Variants in ZNF462 observed in about 807,000 individuals in gnomAD.
ZNF462 encodes the protein zinc finger PBX1-interacting protein.
ZNF462 carries 10 observed loss-of-function variants against 201.9 expected under a neutral mutation model. The ratio of observed to expected loss-of-function variants is 0.05; its 90% confidence interval spans 0.03 to 0.08. The LOEUF (loss-of-function observed/expected upper bound fraction) is 0.08. Among genes scored for constraint, ZNF462 ranks in the 10% least tolerant of loss-of-function variants. The pLI, the probability that ZNF462 is intolerant of heterozygous loss-of-function variation, is 1.00. For synonymous variants in ZNF462, 1,227 were observed against 1,193.3 expected, an observed-to-expected ratio of 1.03 and a Z score of -0.58; for missense variants, 2,523 against 3,168.3, an observed-to-expected ratio of 0.80 and a Z score of 4.89.
Position 106,974,788 on chromosome 9 carries a change from T to TG in ZNF462, c.6832+515_6832+516insG. On this transcript the variant is annotated intron_variant, in intron 9 of 12. Coordinates refer to ENST00000277225, the MANE Select transcript of ZNF462 (RefSeq NM_021224.6). The surrounding 1 kb of genome is among the most constrained non-coding windows in gnomAD (Gnocchi z 4.0). Reference sequence around the variant, plus strand: ...TTCTAATAATAGTCTCTATTATATATTCTAATAATAATTAGAAAATCCATG... The same window carrying TG: ...TTCTAATAATAGTCTCTATTATATATGTCTAATAATAATTAGAAAATCCATG... The TG allele has an allele frequency of 6.4e-6, 1 of 156,596 alleles. No homozygotes were observed. Among genetic ancestry groups the TG allele is most frequent in the Admixed American group, 6.1e-5 (1 of 16,526 alleles). The allele number at this position is 156,596 out of a possible 1,614,324, so 9.7% of individuals were successfully genotyped here. A position where few individuals can be genotyped will look rare whatever the true frequency, so the allele number is the denominator to read the frequency against.
chr9:106,908,924 TATATATATATATATATA>T (rs1191467108), intron 1 of ZNF462, among the ~76,000 whole-genome samples: 9 of 31,740 alleles, frequency 2.8e-4, no homozygotes, highest in South Asian at 1.1e-3. Flanking sequence ...TATATATATA[TATATATATATATATATA>T]TTTTTTTTTT....
chr9:106,925,454 T>C lies in ZNF462; in HGVS notation c.1542T>C (p.Asn514=), dbSNP rs761400668. ...SQSESISSSL[N]EGVVSYESSS... ...GTGAAAGCATTTCTTCCTCACTGAA[T>C]GAAGGTGTGGTGTCTTATGAGAGCT... is the stretch of plus-strand genomic sequence containing the variant. The change falls in exon 3 of 13, where the codon AAT becomes AAC. Residue 514 remains asparagine, a synonymous_variant. Coordinates refer to ENST00000277225, the MANE Select transcript of ZNF462 (RefSeq NM_021224.6). This position sits in a 1 kb window ranked among gnomAD's most constrained non-coding sequence, Gnocchi z 7.9. 3 of 1,614,174 alleles carry C rather than the reference T, an allele frequency of 1.9e-6. No homozygotes were observed. The highest frequency in any genetic ancestry group is 2.5e-6 in the Non-Finnish European group (3 of 1,180,022).
chr9:107,007,234 A>G (rs1305062990), intron 11 of ZNF462, among the ~76,000 whole-genome samples: 3 of 152,156 alleles, frequency 2.0e-5, no homozygotes, highest in Non-Finnish European at 4.4e-5. Flanking sequence ...CTGCTCCCCT[A>G]TGACTCCTTA....
chr9:106,902,970 G>A lies in ZNF462; in HGVS notation c.-30-20384G>A, dbSNP rs187545349. ...TTGGTTATTTCCTCCCTTCTGCTGG[G>A]TTTGGGTTTGGTTTATTCTTATTTA... is the stretch of plus-strand genomic sequence containing the variant. On this transcript the variant is annotated intron_variant, in intron 1 of 12. Transcript: ENST00000277225. This position sits in a 1 kb window ranked among gnomAD's most constrained non-coding sequence, Gnocchi z 4.2. Among the ~76,000 whole-genome samples the A allele has an allele frequency of 9.7e-4, 147 of 151,928 alleles. No homozygotes were observed. Among genetic ancestry groups the A allele is most frequent in the Middle Eastern group, 6.8e-3 (2 of 294 alleles).
Position 106,929,569 on chromosome 9 carries a change from G to A in ZNF462, c.5657G>A (p.Arg1886His), listed in dbSNP as rs373911531. The change falls in exon 3 of 13, where the codon CGC becomes CAC. Residue 1886 changes from arginine (R) to histidine (H), a missense_variant. Arg to His is a conservative substitution (Grantham distance 29). Around this residue, in one of 15 missense-constraint regions of ZNF462, gnomAD observed 207 missense variants for 231.6 expected, o/e 0.89. Transcript: ENST00000277225. This position sits in a 1 kb window ranked among gnomAD's most constrained non-coding sequence, Gnocchi z 8.7. ...RDFIILGNGPRLQNSTYQCKH... is the reference protein window; with the variant it reads ...RDFIILGNGPHLQNSTYQCKH... ...TTCATCATTCTGGGCAACGGCCCCC[G>A]CTTGCAGAACTCCACCTACCAGTGT... The A allele has an allele frequency of 7.4e-6, 12 of 1,614,164 alleles. No individual in the cohort carries two copies. In the East Asian group the frequency reaches 1.3e-4, roughly 18 times the overall value.
At chr9:106,912,007 A>G (rs16925924) in intron 1 of ZNF462, among the ~76,000 whole-genome samples, 21,376 of 152,172 alleles carry the variant, frequency 0.14, 1,666 homozygotes, top group African/African-American at 0.21. Context: ...CATTAGTCTG[A>G]GTCATTCACT....
In ZNF462 at chr9:106,966,300, CA is replaced by C. The variant is rs1195468535; in HGVS notation, c.6428-5704del. The stretch of plus-strand genomic sequence containing the variant: ...TTTCTTTACCCTAGGGAAATTAAGT[CA>C]TTTTTTTTCATTGTGATAATAATGT... On this transcript the variant is annotated intron_variant, in intron 7 of 12. Coordinates refer to ENST00000277225, the MANE Select transcript of ZNF462 (RefSeq NM_021224.6). This position sits in a 1 kb window ranked among gnomAD's most constrained non-coding sequence, Gnocchi z 4.4. Among the ~76,000 whole-genome samples, 1 of 151,944 alleles carries C rather than the reference CA, an allele frequency of 6.6e-6. No individual in the cohort carries two copies. The highest frequency in any genetic ancestry group is 1.5e-5 in the Non-Finnish European group (1 of 67,958).
At position 106,917,969 on chromosome 9, in the gene ZNF462, C is replaced by T. The variant is rs546168592; in HGVS notation, c.-30-5385C>T. Among the ~76,000 whole-genome samples, 4 of 151,776 alleles carry T rather than the reference C, an allele frequency of 2.6e-5. No homozygotes were observed. Among genetic ancestry groups the T allele is most frequent in the African/African-American group, 4.8e-5 (2 of 41,380 alleles). On this transcript the variant is annotated intron_variant, in intron 1 of 12. Coordinates refer to ENST00000277225, the MANE Select transcript of ZNF462 (RefSeq NM_021224.6). The surrounding 1 kb of genome is among the most constrained non-coding windows in gnomAD (Gnocchi z 4.5). ...TCGGCTCACTGCAACCTTCTTCTCC[C>T]GGGTTCAAGCAATTCTCTGCCTCAG...
chr9:106,923,326 A>C lies in ZNF462; in HGVS notation c.-30-28A>C. 6.4e-7 allele frequency: 1 copy of C among 1,553,210 alleles called. No individual in the cohort carries two copies. Among genetic ancestry groups the C allele is most frequent in the Non-Finnish European group, 8.9e-7 (1 of 1,126,184 alleles). ...AGGTATGTGATTAGTGCATTCCTTA[A>C]GATGTTTTGTTCTGACTTCTGCCAC... On this transcript the variant is annotated intron_variant, in intron 1 of 12. Coordinates refer to ENST00000277225, the MANE Select transcript of ZNF462 (RefSeq NM_021224.6). The surrounding 1 kb of genome is among the most constrained non-coding windows in gnomAD (Gnocchi z 5.6).
intron 7 of ZNF462, among the ~76,000 whole-genome samples, chr9:106,965,531 G>A (rs552252020): frequency 5.9e-5 from 9 of 151,984 alleles, no homozygotes; most frequent in African/African-American, 9.7e-5. Context: ...TCTCTGATGC[G>A]TTATACCTGT....
At chr9:106,864,227 G>A (rs970410105) in intron 1 of ZNF462, among the ~76,000 whole-genome samples, 1 of 151,910 alleles carries the variant, frequency 6.6e-6, no homozygotes, top group Non-Finnish European at 1.5e-5. Flanking sequence ...CCGGCCGGGT[G>A]GGGGGCGCAG....
At chr9:106,944,456 A>C (rs2131682595) in intron 7 of ZNF462, among the ~76,000 whole-genome samples, 1 of 152,288 alleles carries the variant, frequency 6.6e-6, no homozygotes, top group South Asian at 2.1e-4. Flanking sequence ...ACACATAATA[A>C]TTACACATTT....
At chr9:106,892,706 A>ACGCG (rs1828639409) in intron 1 of ZNF462, among the ~76,000 whole-genome samples, 2 of 124,216 alleles carry the variant, frequency 1.6e-5, no homozygotes, top group Non-Finnish European at 3.4e-5. Flanking sequence ...ACACACACGC[A>ACGCG]CACACACACA....
At chr9:106,995,642 A>G (rs146802408) in intron 10 of ZNF462, 1 of 152,292 alleles carries the variant, frequency 6.6e-6, no homozygotes, top group East Asian at 1.9e-4. Context: ...AAGGCAACAC[A>G]TTTACTGCAC....
chr9:106,983,366 C>T (rs1827590216), intron 9 of ZNF462, among the ~76,000 whole-genome samples: 1 of 152,168 alleles, frequency 6.6e-6, no homozygotes, highest in African/African-American at 2.4e-5. Context: ...TGCGCAACCC[C>T]ACCTCCCCCG....
Position 106,924,110 on chromosome 9 carries a change from C to T in ZNF462, c.221-23C>T, listed in dbSNP as rs756886085. On this transcript the variant is annotated intron_variant, in intron 2 of 12. Coordinates refer to ENST00000277225, the MANE Select transcript of ZNF462 (RefSeq NM_021224.6). The surrounding 1 kb of genome is among the most constrained non-coding windows in gnomAD (Gnocchi z 6.2). ...ATTTTAATTATCTTTTGCTTTGTCA[C>T]TTTCCTTATGCTTTTTCTTTAGGTC... 16 of 1,556,278 alleles carry T rather than the reference C, an allele frequency of 1.0e-5. No homozygotes were observed. The highest frequency in any genetic ancestry group is 1.2e-5 in the Non-Finnish European group (14 of 1,151,346).
At chr9:106,945,467 C>G (rs1831064730) in intron 7 of ZNF462, among the ~76,000 whole-genome samples, 1 of 152,062 alleles carries the variant, frequency 6.6e-6, no homozygotes, top group Non-Finnish European at 1.5e-5. Flanking sequence ...CACACAGGTT[C>G]CAATTGCAAT....
intron 1 of ZNF462, among the ~76,000 whole-genome samples, chr9:106,894,665 G>A (rs1347930650): frequency 2.0e-5 from 3 of 152,170 alleles, no homozygotes; most frequent in Non-Finnish European, 4.4e-5. Flanking sequence ...GTGCTGTCCA[G>A]TGTGGTAGCC....
intron 1 of ZNF462, among the ~76,000 whole-genome samples, chr9:106,918,993 G>GT (rs1482231891): frequency 6.6e-6 from 1 of 152,212 alleles, no homozygotes; most frequent in East Asian, 1.9e-4. Context: ...ACCTTATGGT[G>GT]TTTCTGGTTC....
Sources: allele counts gnomAD v4.1 joint callset (sites outside exome capture counted in the v4.1 genomes callset), GRCh38; gene constraint gnomAD v4.1.1; regional missense constraint gnomAD v4.1.1; non-coding constraint Gnocchi (gnomAD v3.1); transcripts MANE v1.5; gene names NCBI Gene and HGNC (gene_info 2026-07-23, HGNC 2026-07-21).